The following TNRC6A variants were observed in gnomAD, a reference collection of about 807,000 sequenced individuals.
TNRC6A encodes trinucleotide repeat containing adaptor 6A.
A neutral mutation model predicts 221.2 loss-of-function variants in TNRC6A; 44 were observed. The observed-to-expected ratio is 0.20, with a 90% CI of 0.16 to 0.26. The LOEUF is 0.26. Ranked by LOEUF, TNRC6A falls within the 10% of genes least tolerant of loss-of-function variation. TNRC6A has a pLI of 1.00. For missense variants in TNRC6A, 2,199 were observed against 2,404.4 expected (o/e 0.91, Z 1.79); for synonymous variants, 847 against 838.5 (o/e 1.01, Z -0.18).
At chr16:24,753,241 C>T (rs1028657940) in intron 3 of TNRC6A, among the ~76,000 whole-genome samples, 2 of 152,206 alleles carry the variant, frequency 1.3e-5, no homozygotes, top group African/African-American at 4.8e-5. Context: ...CCCCATGGTT[C>T]CAGTCTCTCA....
chr16:24,762,106 A>G (rs1333416708), intron 4 of TNRC6A, among the ~76,000 whole-genome samples: 1 of 152,190 alleles, frequency 6.6e-6, no homozygotes, highest in Non-Finnish European at 1.5e-5. Context: ...AATGGAGAAA[A>G]AAGGATTGAG....
In TNRC6A at chr16:24,805,811, A is replaced by G. The variant is rs1596782035; in HGVS notation, c.4251+78A>G. On this transcript the variant is annotated intron_variant, in intron 15 of 24. Coordinates refer to ENST00000395799, the MANE Select transcript of TNRC6A (RefSeq NM_014494.4). ...TGCCAAACACTAGACTCTGTGCGGG[A>G]CATAGTGCACTAAACAAAACAGGCG... 3.8e-6 allele frequency: 6 copies of G among 1,574,992 alleles called. 1 individual carries two copies. In the African/African-American group the frequency reaches 6.7e-5, roughly 18 times the overall value.
chr16:24,655,586 G>A (rs1463656074), intron 2 of TNRC6A, among the ~76,000 whole-genome samples: 1 of 152,132 alleles, frequency 6.6e-6, no homozygotes, highest in Non-Finnish European at 1.5e-5. Flanking sequence ...CTACTCGGGA[G>A]GCTGAAGTAG....
chr16:24,731,779 G>GTC lies in TNRC6A; in HGVS notation c.53+1481_53+1482dup, dbSNP rs907149231. On this transcript the variant is annotated intron_variant, in intron 2 of 24. Transcript: ENST00000395799. ...AATTTTAATATTAGGTAGAACTCGA[G>GTC]TCTGGGTTGGCTATTTATCAGAGTT... Among the ~76,000 whole-genome samples the GTC allele has an allele frequency of 9.8e-5, 15 of 152,326 alleles. 1 individual carries two copies. The highest frequency in any genetic ancestry group is 2.6e-4 in the African/African-American group (11 of 41,578).
chr16:24,647,084 C>A (rs570071500), intron 2 of TNRC6A, among the ~76,000 whole-genome samples: 1 of 152,094 alleles, frequency 6.6e-6, no homozygotes, highest in Admixed American at 6.6e-5. Flanking sequence ...GGGTGCACCA[C>A]CACACTCAGC....
intron 2 of TNRC6A, among the ~76,000 whole-genome samples, chr16:24,744,780 C>A (rs140392767): frequency 2.6e-5 from 4 of 152,272 alleles, no homozygotes; most frequent in Admixed American, 2.6e-4. Context: ...CTTTTGTGCT[C>A]ATACTCTGTC....
intron 2 of TNRC6A, among the ~76,000 whole-genome samples, chr16:24,687,664 G>A (rs1433868520): frequency 1.3e-5 from 2 of 151,968 alleles, no homozygotes; most frequent in Admixed American, 6.6e-5. Context: ...TGGGTGAGGT[G>A]ATGTGCACCT....
Position 24,804,243 on chromosome 16 carries a change from C to T in TNRC6A, c.3761C>T (p.Thr1254Met), listed in dbSNP as rs745678895. Residue 1254 changes from threonine (T) to methionine (M), a missense_variant, in exon 12 of 25, where the codon ACG becomes ATG. Around this residue, in one of 8 missense-constraint regions of TNRC6A, gnomAD observed 158 missense variants for 159.1 expected, o/e 0.99. Coordinates refer to ENST00000395799, the MANE Select transcript of TNRC6A (RefSeq NM_014494.4). ...HSLNIGDYNR[T>M]VGKGPGSRPQ... ...CTAAATATTGGTGATTACAATCGAACGGTCGGGAAAGGCCCTGGTTCTCGG... is the reference window on the plus strand; with the variant it reads ...CTAAATATTGGTGATTACAATCGAATGGTCGGGAAAGGCCCTGGTTCTCGG... The T allele has an allele frequency of 2.5e-6, 4 of 1,613,500 alleles. No individual in the cohort carries two copies. Among genetic ancestry groups the T allele is most frequent in the African/African-American group, 2.7e-5 (2 of 74,872 alleles).
At chr16:24,814,423 T>TTTTCTTTTTTTC in intron 18 of TNRC6A, among the ~76,000 whole-genome samples, 1 of 146,964 alleles carries the variant, frequency 6.8e-6, no homozygotes, top group African/African-American at 2.5e-5. Context: ...TTTTTTTTTT[T>TTTTCTTTTTTTC]TTTGGAGACG....
chr16:24,738,331 C>A (rs1056475628), intron 2 of TNRC6A, among the ~76,000 whole-genome samples: 5 of 152,148 alleles, frequency 3.3e-5, no homozygotes, highest in African/African-American at 1.2e-4. Flanking sequence ...TTAAAGTCCA[C>A]AAAGTGTATG....
intron 2 of TNRC6A, among the ~76,000 whole-genome samples, chr16:24,702,657 A>G (rs1235311979): frequency 6.6e-6 from 1 of 152,094 alleles, no homozygotes; most frequent in Non-Finnish European, 1.5e-5. Flanking sequence ...CACCTCTTGA[A>G]ACCAGGGGTT....
intron 2 of TNRC6A, among the ~76,000 whole-genome samples, chr16:24,676,075 T>C (rs2055415393): frequency 6.6e-6 from 1 of 151,980 alleles, no homozygotes; most frequent in Non-Finnish European, 1.5e-5. Flanking sequence ...AATGGACATT[T>C]AATTCTGATA....
intron 2 of TNRC6A, among the ~76,000 whole-genome samples, chr16:24,702,984 G>A (rs931555525): frequency 3.3e-5 from 5 of 152,002 alleles, no homozygotes; most frequent in South Asian, 2.1e-4. Context: ...GCAGTGAGCC[G>A]AGATCGCGCC....
chr16:24,822,000 C>T, intron 22 of TNRC6A, 77 bp from the exon 23 acceptor site: 1 of 1,371,086 alleles, frequency 7.3e-7, no homozygotes. Context: ...GTCAAGAGGC[C>T]AGGTGATCTG....
At chr16:24,626,771 T>A (rs961287191) in intron 1 of TNRC6A, among the ~76,000 whole-genome samples, 1 of 150,330 alleles carries the variant, frequency 6.7e-6, no homozygotes, top group African/African-American at 2.4e-5. Context: ...TGCCTCAGCC[T>A]CCTGAGTAGC....
At chr16:24,764,967 T>C (rs539242613) in intron 4 of TNRC6A, among the ~76,000 whole-genome samples, 16 of 152,348 alleles carry the variant, frequency 1.1e-4, no homozygotes, top group Admixed American at 3.3e-4. Flanking sequence ...GTAATAGTTA[T>C]CAGAATTTGG....
At chr16:24,676,612 G>A (rs1343124086) in intron 2 of TNRC6A, among the ~76,000 whole-genome samples, 2 of 151,934 alleles carry the variant, frequency 1.3e-5, no homozygotes, top group African/African-American at 4.8e-5. Flanking sequence ...ACGCCACCAC[G>A]CTTGGCTAAT....
rs556307605 is a variant in TNRC6A at position 24,804,767 on chromosome 16, T to A, written c.3900T>A (p.Leu1300=). Residue 1300 remains leucine (L), a synonymous_variant, in exon 13 of 25, where the codon CTT becomes CTA. Coordinates refer to ENST00000395799, the MANE Select transcript of TNRC6A (RefSeq NM_014494.4). Reference sequence around the variant, plus strand: ...TTATGTCCAGTCAAAGCATGAAGCTTCCCCCTTCAAATAGTGCACTACCTA... The same window carrying A: ...TTATGTCCAGTCAAAGCATGAAGCTACCCCCTTCAAATAGTGCACTACCTA... ...MQFMSSQSMK[L]PPSNSALPNQ... is the part of the protein sequence containing the mutation. 2 of 1,609,032 alleles carry A rather than the reference T, an allele frequency of 1.2e-6. No individual in the cohort carries two copies. The highest frequency in any genetic ancestry group is 4.5e-5 in the East Asian group (2 of 44,864).
chr16:24,757,167 T>G (rs1463299309), intron 3 of TNRC6A, among the ~76,000 whole-genome samples: 1 of 152,060 alleles, frequency 6.6e-6, no homozygotes, highest in African/African-American at 2.4e-5. Context: ...ATCCATAGAG[T>G]AAAAGATGAG....
Sources: allele counts gnomAD v4.1 joint callset (sites outside exome capture counted in the v4.1 genomes callset), GRCh38; gene constraint gnomAD v4.1.1; regional missense constraint gnomAD v4.1.1; transcripts MANE v1.5; gene names NCBI Gene and HGNC (gene_info 2026-07-23, HGNC 2026-07-21).